The following PPP2CA variants were observed in gnomAD, a reference collection of about 807,000 sequenced individuals.
PPP2CA encodes the protein protein phosphatase 2 catalytic subunit alpha, also known as serine/threonine-protein phosphatase 2A catalytic subunit alpha isoform.
In PPP2CA, 5 loss-of-function variants were observed where a neutral mutation model predicts 38.8. That is an observed-to-expected ratio of 0.13 (90% confidence interval 0.07 to 0.27). PPP2CA has a LOEUF of 0.27. Among genes scored for constraint, PPP2CA ranks in the 10% least tolerant of loss-of-function variants. The pLI is 1.00. For missense variants in PPP2CA, 88 were observed against 389.7 expected, an observed-to-expected ratio of 0.23 and a Z score of 6.52; for synonymous variants, 152 against 134.0, an observed-to-expected ratio of 1.13 and a Z score of -0.93.
chr5:134,220,924 G>A (rs747518419), intron 1 of PPP2CA, among the ~76,000 whole-genome samples: 3 of 152,126 alleles, frequency 2.0e-5, no homozygotes, highest in Non-Finnish European at 4.4e-5. Flanking sequence ...ATACAATTCT[G>A]GTCCCAGTGG....
chr5:134,218,017 C>T (rs1762357290), intron 1 of PPP2CA, among the ~76,000 whole-genome samples: 1 of 152,172 alleles, frequency 6.6e-6, no homozygotes, highest in African/African-American at 2.4e-5. Flanking sequence ...ATTACAAGGT[C>T]ACCAGGTGAT....
chr5:134,203,531 C>CTGTCT (rs1317254172), intron 2 of PPP2CA: 1 of 152,264 alleles, frequency 6.6e-6, no homozygotes, highest in Non-Finnish European at 1.5e-5. Flanking sequence ...TCTTCTCCAT[C>CTGTCT]TGTCTTATCT....
chr5:134,222,809 A>C (rs1350553617), intron 1 of PPP2CA, among the ~76,000 whole-genome samples: 1 of 152,248 alleles, frequency 6.6e-6, no homozygotes, highest in East Asian at 1.9e-4. Flanking sequence ...ACAAATTATG[A>C]TTCTCAAGAT....
chr5:134,199,422 T>TA (rs1314708779), intron 5 of PPP2CA: 1 of 284,094 alleles, frequency 3.5e-6, no homozygotes. Flanking sequence ...ACAAAACTTG[T>TA]TTTTTTTTTA....
At chr5:134,216,522 AGAGT>A (rs1277729330) in intron 1 of PPP2CA, among the ~76,000 whole-genome samples, 1 of 126,564 alleles carries the variant, frequency 7.9e-6, no homozygotes, top group Admixed American at 9.1e-5. Flanking sequence ...CCTGGGCAAC[AGAGT>A]GAGACTGCCT....
chr5:134,226,029 C>T lies in PPP2CA; in HGVS notation c.-168G>A. The stretch of plus-strand genomic sequence containing the variant: ...CGCAGTACTCGGCCGTCGGCCGCTG[C>T]GCCTCCTCCTCCGCTCGCTGAGGCT... On this transcript the variant is annotated 5_prime_UTR_variant, in exon 1 of 7. Transcript: ENST00000481195. The T allele has an allele frequency of 1.8e-6, 1 of 553,404 alleles. No individual in the cohort carries two copies. The highest frequency in any genetic ancestry group is 3.1e-6 in the Non-Finnish European group (1 of 320,850). The allele number at this position is 553,404 out of a possible 1,614,324, so 34.3% of individuals were successfully genotyped here.
chr5:134,206,063 A>G lies in PPP2CA; in HGVS notation c.171T>C (p.Asp57=). The G allele has an allele frequency of 6.2e-7, 1 of 1,614,186 alleles. No individual in the cohort carries two copies. The highest frequency in any genetic ancestry group is 8.5e-7 in the Non-Finnish European group (1 of 1,180,010). The part of the protein sequence containing the change: ...EVRCPVTVCG[D]VHGQFHDLME... ...TGAGATCATGAAATTGCCCATGCAC[A>G]TCTCCACAGACAGTAACTGGACATC... is the stretch of plus-strand genomic sequence containing the variant. Residue 57 remains aspartate, a synonymous_variant, in exon 2 of 7, where the codon GAT becomes GAC. Transcript: ENST00000481195.
intron 1 of PPP2CA, among the ~76,000 whole-genome samples, chr5:134,210,970 T>C (rs764274886): frequency 4.6e-5 from 7 of 152,204 alleles, no homozygotes; most frequent in Admixed American, 2.6e-4. Flanking sequence ...AAAACTAGAA[T>C]GAGGCGATTC....
chr5:134,207,496 A>ACC (rs975656163), intron 1 of PPP2CA, among the ~76,000 whole-genome samples: 1 of 151,922 alleles, frequency 6.6e-6, no homozygotes, highest in Non-Finnish European at 1.5e-5. Context: ...ATTTTTAAGC[A>ACC]CCCCCACCCC....
intron 6 of PPP2CA, 152 bp from the exon 7 acceptor site, chr5:134,197,996 C>G (rs1407597133): frequency 1.5e-6 from 1 of 661,352 alleles, no homozygotes; most frequent in Admixed American, 2.3e-5. Context: ...GGTCTGTTAA[C>G]TGTACTCCCC....
chr5:134,212,009 A>G lies in PPP2CA; in HGVS notation c.103-5878T>C, dbSNP rs536277503. On this transcript the variant is annotated intron_variant, in intron 1 of 6. Coordinates refer to ENST00000481195, the MANE Select transcript of PPP2CA (RefSeq NM_002715.4). ...GTGGCAGGCACCTGTAATCCCAGCT[A>G]CTTGGGAGGCTGAGGTAGGAGAATC... Among the ~76,000 whole-genome samples the G allele has an allele frequency of 9.2e-4, 140 of 152,220 alleles. 1 individual carries two copies. Among genetic ancestry groups the G allele is most frequent in the Middle Eastern group, 6.8e-3 (2 of 294 alleles).
rs565703795 is a variant in PPP2CA, at chr5:134,219,997, C to T, written c.102+5763G>A. Among the ~76,000 whole-genome samples, 38 of 118,248 alleles carry T rather than the reference C, an allele frequency of 3.2e-4. 1 individual carries two copies. In the South Asian group the frequency reaches 0.011, roughly 33 times the overall value. 77.6% of individuals were successfully genotyped at this position (118,248 alleles called of 152,430 possible). On this transcript the variant is annotated intron_variant, in intron 1 of 6. Coordinates refer to ENST00000481195, the MANE Select transcript of PPP2CA (RefSeq NM_002715.4). ...CTGTACTCTGGCCTGGGCAACAGAG[C>T]GAGGCTCCGTATCAAAAAAAAAAAA...
At chr5:134,199,404 C>G in intron 5 of PPP2CA, 200 bp from the exon 6 acceptor site, 1 of 391,990 alleles carries the variant, frequency 2.6e-6, no homozygotes, top group Non-Finnish European at 4.5e-6. Flanking sequence ...TTTATTTTCC[C>G]CCTAATTACA....
intron 2 of PPP2CA, among the ~76,000 whole-genome samples, chr5:134,204,387 T>C (rs1040484789): frequency 1.3e-5 from 2 of 152,268 alleles, no homozygotes; most frequent in South Asian, 2.1e-4. Context: ...TCAGTACACT[T>C]TGCAAAGCTA....
chr5:134,205,617 A>G (rs545150256), intron 2 of PPP2CA: 349 of 286,290 alleles, frequency 1.2e-3, no homozygotes, highest in Middle Eastern at 2.5e-3. Context: ...TCCTGACCTC[A>G]GGTGATCTGC....
intron 1 of PPP2CA, among the ~76,000 whole-genome samples, chr5:134,218,669 C>CT (rs11400515): frequency 0.76 from 109,351 of 144,450 alleles, 41,637 homozygotes; most frequent in Non-Finnish European, 0.81. Flanking sequence ...TTGTTTCTTT[C>CT]TTTTTTTTTT....
intron 1 of PPP2CA, among the ~76,000 whole-genome samples, chr5:134,209,285 A>C (rs887246193): frequency 5.3e-5 from 8 of 152,164 alleles, no homozygotes; most frequent in Admixed American, 5.2e-4. Context: ...GGGGGAAAAA[A>C]AAAAAATCAT....
rs11552681 is a variant in PPP2CA, at chr5:134,206,079, A to G, written c.155T>C (p.Val52Ala). 1 of 1,614,220 alleles carries G rather than the reference A, an allele frequency of 6.2e-7. No individual in the cohort carries two copies. Among genetic ancestry groups the G allele is most frequent in the South Asian group, 1.1e-5 (1 of 91,088 alleles). ...ESNVQEVRCP[V>A]TVCGDVHGQF... ...CCCATGCACATCTCCACAGACAGTA[A>G]CTGGACATCGAACCTCTTGCACGTT... Residue 52 changes from valine to alanine, a missense_variant, in exon 2 of 7, where the codon GTT becomes GCT. Val to Ala is a moderately conservative substitution (Grantham distance 64). Transcript: ENST00000481195.
Position 134,196,466 on chromosome 5 carries a change from T to C in PPP2CA, c.*1306A>G, listed in dbSNP as rs542112897. On this transcript the variant is annotated 3_prime_UTR_variant, in exon 7 of 7. Coordinates refer to ENST00000481195, the MANE Select transcript of PPP2CA (RefSeq NM_002715.4). ...AGTACCATTTTTGTCTTCGGGTGAA[T>C]GTACATAAGACTAAATCATGATCCA... 3.9e-5 allele frequency: 6 copies of C among 152,322 alleles called. No individual in the cohort carries two copies. Among genetic ancestry groups the C allele is most frequent in the Non-Finnish European group, 8.8e-5 (6 of 68,028 alleles). The allele number at this position is 152,322 out of a possible 1,614,324, so 9.4% of individuals were successfully genotyped here.
Sources: gnomAD v4.1 joint callset for allele counts (sites outside exome capture counted in the v4.1 genomes callset) on GRCh38, gnomAD v4.1.1 for gene constraint, MANE v1.5 for transcripts, NCBI Gene and HGNC (gene_info 2026-07-23, HGNC 2026-07-21) for gene names.